The following RPL19 variants were observed in gnomAD, a reference collection of about 807,000 sequenced individuals.
RPL19 encodes ribosomal protein L19.
RPL19 carries 2 observed loss-of-function variants against 25.1 expected under a neutral mutation model. The observed-to-expected ratio is 0.08, with a 90% confidence interval of 0.03 to 0.25. RPL19 has a LOEUF of 0.25. Among genes scored for constraint, RPL19 ranks in the 10% least tolerant of loss-of-function variants. The pLI is 1.00. For missense variants in RPL19, 123 were observed against 271.8 expected (o/e 0.45, Z 3.85); for synonymous variants, 89 against 91.2 (o/e 0.98, Z 0.14).
At chr17:39,202,790 T>G in intron 3 of RPL19, 199 bp from the exon 4 acceptor site, 1 of 638,850 alleles carries the variant, frequency 1.6e-6, no homozygotes, top group Non-Finnish European at 2.7e-6. Context: ...TTGCTGTATT[T>G]GTGCTTCCTT....
chr17:39,203,977 A>G, intron 4 of RPL19, 100 bp from the exon 5 acceptor site: 1 of 680,810 alleles, frequency 1.5e-6, no homozygotes, highest in East Asian at 2.6e-5. Context: ...GAGAAAAGAA[A>G]GGAAGCTACA....
intron 1 of RPL19, 179 bp downstream of exon 1, chr17:39,200,528 G>T: frequency 7.7e-7 from 1 of 1,300,646 alleles, no homozygotes; most frequent in Non-Finnish European, 9.8e-7. Context: ...GGGGGGCGGG[G>T]AGCGTCGCAG....
chr17:39,201,676 G>A (rs2046291089), intron 2 of RPL19, among the ~76,000 whole-genome samples: 1 of 152,060 alleles, frequency 6.6e-6, no homozygotes, highest in Non-Finnish European at 1.5e-5. Context: ...AGGTTCAAGC[G>A]ATTCTCCTTC....
intron 1 of RPL19, chr17:39,200,668 A>C: frequency 8.8e-7 from 1 of 1,132,100 alleles, no homozygotes; most frequent in Non-Finnish European, 1.1e-6. Flanking sequence ...GCACACCCGG[A>C]GCGGAGCCGA....
At chr17:39,200,712 T>C in intron 1 of RPL19, 1 of 1,081,760 alleles carries the variant, frequency 9.2e-7, no homozygotes, top group Non-Finnish European at 1.1e-6. Flanking sequence ...GCAAGCCTAG[T>C]GTAGGCCCCA....
intron 2 of RPL19, among the ~76,000 whole-genome samples, chr17:39,201,575 T>A (rs982117452): frequency 6.6e-6 from 1 of 151,732 alleles, no homozygotes; most frequent in African/African-American, 2.4e-5. Flanking sequence ...TCTTTATATT[T>A]TATTTTATTT....
At chr17:39,203,605 T>G (rs2046305316) in intron 4 of RPL19, among the ~76,000 whole-genome samples, 2 of 150,874 alleles carry the variant, frequency 1.3e-5, no homozygotes, top group African/African-American at 4.9e-5. Flanking sequence ...GCTTTCGAGG[T>G]TCAAGCACTT....
chr17:39,200,613 G>T, intron 1 of RPL19: 1 of 1,230,800 alleles, frequency 8.1e-7, no homozygotes. Context: ...CGCGAGCAGA[G>T]CAAACGGAGC....
At chr17:39,204,440 A>T in intron 5 of RPL19, 85 bp from the exon 6 acceptor site, 2 of 1,523,218 alleles carry the variant, frequency 1.3e-6, no homozygotes, top group Non-Finnish European at 1.8e-6. Context: ...ACTAGGCTCA[A>T]AGGGAGAGGT....
rs1160011090 is a variant in RPL19, at chr17:39,202,455, T to A, written c.235+16T>A. 1.2e-6 allele frequency: 2 copies of A among 1,613,940 alleles called. No homozygotes were observed. The highest frequency in any genetic ancestry group is 2.2e-5 in the East Asian group (1 of 44,898). On this transcript the variant is annotated intron_variant, in intron 3 of 5. Transcript: ENST00000225430. The stretch of plus-strand genomic sequence containing the variant: ...ATGGGCATAGGTAAGTGTGGTCATC[T>A]TCTCCTTAAGAAATGATAGGTGCTG...
At chr17:39,204,328 ACTC>A (rs2046310138) in intron 5 of RPL19, 141 bp downstream of exon 5, 1 of 829,230 alleles carries the variant, frequency 1.2e-6, no homozygotes, top group Non-Finnish European at 2.0e-6. Flanking sequence ...AGAGGCACCC[ACTC>A]CTCTGTCCTG....
Position 39,202,386 on chromosome 17 carries a change from C to T in RPL19, c.182C>T (p.Ala61Val), listed in dbSNP as rs1484332381. 6.2e-7 allele frequency: 1 copy of T among 1,614,088 alleles called. No homozygotes were observed. ...AAGCCTGTGACGGTCCATTCCCGGG[C>T]TCGATGCCGGAAAAACACCTTGGCC... ...IRKPVTVHSR[A>V]RCRKNTLARR... is the part of the protein sequence containing the mutation. The change falls in exon 3 of 6, where the codon GCT (alanine) becomes GTT (valine). Residue 61 changes from alanine (A) to valine (V), a missense_variant. By Grantham distance (64) the Ala-to-Val change is moderately conservative (BLOSUM62 0). Coordinates refer to ENST00000225430, the MANE Select transcript of RPL19 (RefSeq NM_000981.4).
chr17:39,200,496 C>G (rs1168004918), intron 1 of RPL19, 147 bp downstream of exon 1: 3 of 1,282,022 alleles, frequency 2.3e-6, no homozygotes, highest in East Asian at 6.3e-5. Context: ...GGAGCACTTT[C>G]GTCCCGGGCC....
At chr17:39,200,384 C>T (rs746066091) in intron 1 of RPL19, 35 bp downstream of exon 1, 8 of 1,514,454 alleles carry the variant, frequency 5.3e-6, no homozygotes, top group Admixed American at 2.1e-5. Context: ...GGCGCTGACG[C>T]GTGTCGACAA....
In RPL19 at chr17:39,200,300, C is replaced by T; in HGVS notation, c.-45C>T. On this transcript the variant is annotated 5_prime_UTR_variant, in exon 1 of 6. Transcript: ENST00000225430. The stretch of plus-strand genomic sequence containing the variant: ...TCCCCTTCGCAGATAATGGGAGGAG[C>T]CGGGCCCGAGCGAGCTCTTTCCTTT... 1 of 1,516,326 alleles carries T rather than the reference C, an allele frequency of 6.6e-7. No individual in the cohort carries two copies. Among genetic ancestry groups the T allele is most frequent in the Non-Finnish European group, 8.8e-7 (1 of 1,130,906 alleles). The allele number at this position is 1,516,326 out of a possible 1,614,324, so 93.9% of individuals were successfully genotyped here.
At chr17:39,201,074 C>T (rs1296048344) in intron 1 of RPL19, 139 bp from the exon 2 acceptor site, 3 of 676,916 alleles carry the variant, frequency 4.4e-6, no homozygotes, top group African/African-American at 1.8e-5. Flanking sequence ...GCTGCATAGC[C>T]CAGAGCCTTA....
intron 4 of RPL19, among the ~76,000 whole-genome samples, chr17:39,203,644 G>A (rs1261888868): frequency 1.3e-5 from 2 of 151,764 alleles, no homozygotes; most frequent in Non-Finnish European, 2.9e-5. Flanking sequence ...AAGTACCTGG[G>A]ATTACAGGCA....
At chr17:39,201,365 C>T (rs761226835) in intron 2 of RPL19, 46 bp downstream of exon 2, 2 of 1,125,976 alleles carry the variant, frequency 1.8e-6, no homozygotes, top group Admixed American at 3.9e-5. Context: ...CTTCTTTTCT[C>T]CTGCGTCAGA....
chr17:39,202,481 G>A lies in RPL19; in HGVS notation c.235+42G>A, dbSNP rs761816531. 8 of 1,610,200 alleles carry A rather than the reference G, an allele frequency of 5.0e-6. No individual in the cohort carries two copies. The Admixed American group carries it at 1.0e-4, about 20-fold the overall frequency. ...TCTCCTTAAGAAATGATAGGTGCTG[G>A]CATCTATGCTGAAATATATTCAGGA... On this transcript the variant is annotated intron_variant, in intron 3 of 5. Transcript: ENST00000225430.
Sources: gnomAD v4.1 joint callset for allele counts (sites outside exome capture counted in the v4.1 genomes callset) on GRCh38, gnomAD v4.1.1 for gene constraint, MANE v1.5 for transcripts, NCBI Gene and HGNC (gene_info 2026-07-23, HGNC 2026-07-21) for gene names.